LNX2: variants seen among roughly 807,000 people sequenced by gnomAD.
LNX2 encodes the protein ligand of Numb protein X 2.
In LNX2, 35 loss-of-function variants were observed where a neutral mutation model predicts 66.2. The ratio of observed to expected loss-of-function variants is 0.53; its 90% CI spans 0.40 to 0.70. The LOEUF is 0.70. Ranked by LOEUF, LNX2 falls within the 30% of genes least tolerant of loss-of-function variation. The pLI, the probability that LNX2 is intolerant of heterozygous loss-of-function variation, is 0.00. For missense variants in LNX2, 791 were observed against 850.8 expected, an observed-to-expected ratio of 0.93 and a Z score of 0.87; for synonymous variants, 337 against 315.6, an observed-to-expected ratio of 1.07 and a Z score of -0.72.
intron 1 of LNX2, among the ~76,000 whole-genome samples, chr13:27,583,503 C>A (rs1955447336): frequency 7.7e-6 from 1 of 129,850 alleles, no homozygotes. Flanking sequence ...GGTGATCCAC[C>A]CACCTTGGCC....
chr13:27,572,663 T>C lies in LNX2; in HGVS notation c.408-3387A>G, dbSNP rs149716462. Among the ~76,000 whole-genome samples, 554 of 152,352 alleles carry C rather than the reference T, an allele frequency of 3.6e-3. 5 individuals carry two copies. The highest frequency in any genetic ancestry group is 6.0e-3 in the Non-Finnish European group (405 of 68,032). ...AAGGGAAAAATTATATATGGACTAA[T>C]TTGATTTATGCTACAGTGACATCAT... On this transcript the variant is annotated intron_variant, in intron 2 of 9. Transcript: ENST00000316334.
intron 1 of LNX2, among the ~76,000 whole-genome samples, chr13:27,596,869 C>T (rs931783857): frequency 1.3e-5 from 2 of 152,146 alleles, no homozygotes; most frequent in African/African-American, 2.4e-5. Context: ...TCAGTCTACT[C>T]CCAATGTCAT....
intron 2 of LNX2, among the ~76,000 whole-genome samples, chr13:27,569,644 A>T (rs1470183600): frequency 6.6e-6 from 1 of 152,228 alleles, no homozygotes; most frequent in African/African-American, 2.4e-5. Flanking sequence ...GCTTAACCAC[A>T]GCAGTGAAAT....
chr13:27,579,005 G>A (rs1255590629), intron 2 of LNX2, among the ~76,000 whole-genome samples: 2 of 152,156 alleles, frequency 1.3e-5, no homozygotes, highest in Non-Finnish European at 2.9e-5. Context: ...TGAGATGACT[G>A]TCAACTTTGG....
intron 4 of LNX2, among the ~76,000 whole-genome samples, chr13:27,564,480 AC>A (rs1459814143): frequency 2.6e-5 from 4 of 152,130 alleles, no homozygotes; most frequent in Non-Finnish European, 4.4e-5. Flanking sequence ...AAGTTATATT[AC>A]TTTTATTAAT....
intron 1 of LNX2, among the ~76,000 whole-genome samples, chr13:27,613,942 A>G (rs1266396966): frequency 1.3e-5 from 2 of 152,228 alleles, no homozygotes; most frequent in Non-Finnish European, 2.9e-5. Context: ...ATACAACTAA[A>G]CTGAAGTCAA....
intron 1 of LNX2, among the ~76,000 whole-genome samples, chr13:27,595,533 T>G (rs1955588260): frequency 6.6e-6 from 1 of 152,214 alleles, no homozygotes. Flanking sequence ...TCTCTAGAAT[T>G]CTTATTCCCA....
intron 4 of LNX2, among the ~76,000 whole-genome samples, chr13:27,566,928 T>C (rs985937746): frequency 3.3e-5 from 5 of 152,200 alleles, no homozygotes; most frequent in Admixed American, 6.5e-5. Flanking sequence ...TCCGGGATTG[T>C]AGAACTCTTA....
intron 2 of LNX2, among the ~76,000 whole-genome samples, chr13:27,576,551 T>C (rs559898988): frequency 7.3e-6 from 1 of 136,858 alleles, no homozygotes; most frequent in African/African-American, 2.9e-5. Flanking sequence ...ACCCCGTCTC[T>C]ACTAAAAGCA....
chr13:27,556,391 C>T lies in LNX2; in HGVS notation c.1391G>A (p.Cys464Tyr), dbSNP rs767708175. The change falls in exon 7 of 10, where the codon TGC becomes TAC. Residue 464 changes from cysteine (C) to tyrosine (Y), a missense_variant. Cys to Tyr is a radical substitution (Grantham distance 194). Transcript: ENST00000316334. ...CTTTACAGTAATGTGTTTTTCTTGGCATGTAACACACTGAGTAAGATCCTA... is the reference window on the plus strand; with the variant it reads ...CTTTACAGTAATGTGTTTTTCTTGGTATGTAACACACTGAGTAAGATCCTA... The part of the protein sequence containing the change: ...SHKDLTQCVT[C>Y]QEKHITVKKE... 5.6e-6 allele frequency: 9 copies of T among 1,613,626 alleles called. No homozygotes were observed. Among genetic ancestry groups the T allele is most frequent in the Non-Finnish European group, 7.6e-6 (9 of 1,179,842 alleles).
chr13:27,576,828 A>T (rs1955344893), intron 2 of LNX2, among the ~76,000 whole-genome samples: 1 of 152,204 alleles, frequency 6.6e-6, no homozygotes, highest in Non-Finnish European at 1.5e-5. Context: ...TCAAAAACTG[A>T]ATTATAAGAG....
intron 2 of LNX2, among the ~76,000 whole-genome samples, chr13:27,576,565 A>G (rs548822619): frequency 6.6e-6 from 1 of 151,370 alleles, no homozygotes; most frequent in Admixed American, 6.6e-5. Context: ...AAAAGCACAA[A>G]AAAAAAAAAA....
intron 4 of LNX2, among the ~76,000 whole-genome samples, chr13:27,563,757 G>T (rs1305043820): frequency 6.6e-6 from 1 of 152,050 alleles, no homozygotes; most frequent in Admixed American, 6.5e-5. Flanking sequence ...ATCCACATTA[G>T]GCAAGACTTT....
At chr13:27,616,709 AG>A (rs1275147474) in intron 1 of LNX2, among the ~76,000 whole-genome samples, 1 of 152,284 alleles carries the variant, frequency 6.6e-6, no homozygotes, top group Non-Finnish European at 1.5e-5. Context: ...CATACTAACT[AG>A]AGGACAATTT....
At chr13:27,607,873 T>C (rs1331999278) in intron 1 of LNX2, among the ~76,000 whole-genome samples, 2 of 152,222 alleles carry the variant, frequency 1.3e-5, no homozygotes, top group African/African-American at 4.8e-5. Flanking sequence ...ATAGCTAAAA[T>C]GAAACCTGGA....
chr13:27,552,716 C>T (rs965473269), intron 8 of LNX2, among the ~76,000 whole-genome samples: 86 of 152,294 alleles, frequency 5.6e-4, no homozygotes, highest in African/African-American at 1.7e-3. Context: ...AGTGAAGCAG[C>T]CATTCTTGAA....
intron 1 of LNX2, among the ~76,000 whole-genome samples, chr13:27,595,687 G>A (rs935974199): frequency 2.0e-5 from 3 of 152,044 alleles, no homozygotes; most frequent in Admixed American, 2.0e-4. Context: ...CTGTAAACCC[G>A]AAAACCCTGT....
intron 5 of LNX2, among the ~76,000 whole-genome samples, chr13:27,560,841 A>C (rs1955127047): frequency 6.6e-6 from 1 of 152,126 alleles, no homozygotes; most frequent in African/African-American, 2.4e-5. Flanking sequence ...GCTTTAAAGA[A>C]ATTGTGGTAC....
intron 1 of LNX2, among the ~76,000 whole-genome samples, chr13:27,611,110 C>T (rs1347330028): frequency 6.6e-6 from 1 of 152,198 alleles, no homozygotes; most frequent in East Asian, 1.9e-4. Context: ...TCTGGGTATA[C>T]ATCCAAAAGA....
Sources: allele counts gnomAD v4.1 joint callset (sites outside exome capture counted in the v4.1 genomes callset), GRCh38; gene constraint gnomAD v4.1.1; transcripts MANE v1.5; gene names NCBI Gene and HGNC (gene_info 2026-07-23, HGNC 2026-07-21).